CNTNAP2: variants seen among roughly 807,000 people sequenced by gnomAD.
CNTNAP2 encodes contactin associated protein 2.
CNTNAP2 carries 98 observed loss-of-function variants against 155.2 expected under a neutral mutation model. That is an observed-to-expected ratio of 0.63 (90% confidence interval 0.54 to 0.75). CNTNAP2 has a LOEUF of 0.75. Ranked by LOEUF, CNTNAP2 falls within the 30% of genes least tolerant of loss-of-function variation. The pLI is 0.00. For missense variants in CNTNAP2, 1,727 were observed against 1,688.1 expected, an observed-to-expected ratio of 1.02 and a Z score of -0.40; for synonymous variants, 651 against 631.2, an observed-to-expected ratio of 1.03 and a Z score of -0.47.
intron 13 of CNTNAP2, among the ~76,000 whole-genome samples, chr7:147,688,255 T>C (rs1234211315): frequency 6.6e-6 from 1 of 152,138 alleles, no homozygotes; most frequent in Admixed American, 6.6e-5. Context: ...AGACCAGTTA[T>C]TAAAGAACAA....
intron 9 of CNTNAP2, among the ~76,000 whole-genome samples, chr7:147,359,379 T>C (rs1008503695): frequency 2.6e-5 from 4 of 152,164 alleles, no homozygotes; most frequent in African/African-American, 9.7e-5. Context: ...CAGTGATCTT[T>C]GAATTCATCT....
intron 8 of CNTNAP2, among the ~76,000 whole-genome samples, chr7:147,249,656 C>CT (rs1804148126): frequency 7.1e-6 from 1 of 140,468 alleles, no homozygotes; most frequent in African/African-American, 2.6e-5. Flanking sequence ...ATCTCTCTCT[C>CT]ACACCACAGA....
At chr7:147,929,817 T>C (rs1285793773) in intron 14 of CNTNAP2, among the ~76,000 whole-genome samples, 1 of 152,210 alleles carries the variant, frequency 6.6e-6, no homozygotes, top group African/African-American at 2.4e-5. Context: ...AGACAATTTT[T>C]CTATGGACCA....
chr7:148,392,176 C>G (rs1252269664), intron 22 of CNTNAP2, among the ~76,000 whole-genome samples: 1 of 152,090 alleles, frequency 6.6e-6, no homozygotes, highest in Non-Finnish European at 1.5e-5. Context: ...GGGGTACAAG[C>G]AATTCTACTG....
chr7:147,027,592 G>A (rs1430221516), intron 3 of CNTNAP2, among the ~76,000 whole-genome samples: 2 of 152,234 alleles, frequency 1.3e-5, no homozygotes, highest in African/African-American at 4.8e-5. Flanking sequence ...TTTAGGATAA[G>A]TAATTAGGTT....
At chr7:147,093,135 G>A (rs1278176900) in intron 4 of CNTNAP2, among the ~76,000 whole-genome samples, 7 of 150,854 alleles carry the variant, frequency 4.6e-5, no homozygotes, top group African/African-American at 1.7e-4. Flanking sequence ...CAGCTACTCA[G>A]GAGGCTGAGG....
chr7:146,595,217 C>T (rs17515570), intron 1 of CNTNAP2, among the ~76,000 whole-genome samples: 12 of 151,916 alleles, frequency 7.9e-5, no homozygotes, highest in Non-Finnish European at 1.6e-4. Context: ...ATTATAGACC[C>T]GTGTTATCAA....
chr7:146,997,218 A>G (rs1798328533), intron 3 of CNTNAP2, among the ~76,000 whole-genome samples: 1 of 152,100 alleles, frequency 6.6e-6, no homozygotes, highest in Non-Finnish European at 1.5e-5. Context: ...ATTTTCATAT[A>G]TGGACTTTAT....
intron 22 of CNTNAP2, among the ~76,000 whole-genome samples, chr7:148,406,130 G>T (rs6954848): frequency 0.28 from 43,086 of 151,310 alleles, 7,046 homozygotes; most frequent in African/African-American, 0.45. Flanking sequence ...TACTCGGGAG[G>T]CTGAGGCAGG....
At chr7:146,812,630 G>C (rs1483539883) in intron 2 of CNTNAP2, among the ~76,000 whole-genome samples, 1 of 151,980 alleles carries the variant, frequency 6.6e-6, no homozygotes, top group African/African-American at 2.4e-5. Flanking sequence ...CAGCCCCACA[G>C]TGTGATAGAA....
intron 9 of CNTNAP2, among the ~76,000 whole-genome samples, chr7:147,392,599 C>A (rs565490391): frequency 8.5e-5 from 13 of 152,172 alleles, no homozygotes; most frequent in Admixed American, 3.3e-4. Flanking sequence ...TGAGTGAGAA[C>A]ATACGATGTT....
chr7:146,516,743 A>C (rs1797547450), intron 1 of CNTNAP2, among the ~76,000 whole-genome samples: 1 of 151,978 alleles, frequency 6.6e-6, no homozygotes, highest in Admixed American at 6.6e-5. Context: ...ATGAAATACA[A>C]GGTTTATGAA....
At chr7:146,323,486 G>A (rs114826549) in intron 1 of CNTNAP2, among the ~76,000 whole-genome samples, 3,161 of 151,930 alleles carry the variant, frequency 0.021, 101 homozygotes, top group African/African-American at 0.071. Flanking sequence ...GGCTATATAG[G>A]CATGAAATGA....
chr7:146,432,014 T>C (rs1796179953), intron 1 of CNTNAP2, among the ~76,000 whole-genome samples: 1 of 152,108 alleles, frequency 6.6e-6, no homozygotes, highest in South Asian at 2.1e-4. Context: ...CTTTCTCATC[T>C]TGTGGTCCTA....
At chr7:147,770,603 T>G (rs150064435) in intron 13 of CNTNAP2, among the ~76,000 whole-genome samples, 1 of 152,272 alleles carries the variant, frequency 6.6e-6, no homozygotes, top group East Asian at 1.9e-4. Flanking sequence ...GAGATTTTTT[T>G]AAAATATCTT....
At chr7:146,680,994 G>T (rs1350746830) in intron 1 of CNTNAP2, among the ~76,000 whole-genome samples, 1 of 152,110 alleles carries the variant, frequency 6.6e-6, no homozygotes, top group East Asian at 1.9e-4. Flanking sequence ...GTTAATCAAA[G>T]TTTGACACTG....
At chr7:147,006,256 A>C (rs1798521939) in intron 3 of CNTNAP2, among the ~76,000 whole-genome samples, 2 of 152,094 alleles carry the variant, frequency 1.3e-5, no homozygotes, top group Non-Finnish European at 2.9e-5. Flanking sequence ...TAGGAGAAGT[A>C]TACTAAACAA....
chr7:146,239,677 TTA>T, intron 1 of CNTNAP2, among the ~76,000 whole-genome samples: 1 of 152,064 alleles, frequency 6.6e-6, no homozygotes, highest in South Asian at 2.1e-4. Context: ...TAATAATGTC[TTA>T]TACTTATGTA....
intron 1 of CNTNAP2, among the ~76,000 whole-genome samples, chr7:146,699,844 C>T (rs6945453): frequency 0.81 from 123,409 of 152,008 alleles, 50,978 homozygotes; most frequent in South Asian, 0.93. Context: ...GATACATATT[C>T]ATAATTTCAG....
Sources: allele counts gnomAD v4.1 joint callset (sites outside exome capture counted in the v4.1 genomes callset), GRCh38; gene constraint gnomAD v4.1.1; transcripts MANE v1.5; gene names NCBI Gene and HGNC (gene_info 2026-07-23, HGNC 2026-07-21).